The following PCGF5 variants were observed in gnomAD, a reference collection of about 807,000 sequenced individuals.
PCGF5 encodes the protein polycomb group RING finger protein 5.
PCGF5 carries 9 observed loss-of-function variants against 44.3 expected under a neutral mutation model. That is an observed-to-expected ratio of 0.20 (90% CI 0.12 to 0.35). The LOEUF (loss-of-function observed/expected upper bound fraction) is 0.35. Ranked by LOEUF, PCGF5 falls within the 10% of genes least tolerant of loss-of-function variation. PCGF5 has a pLI of 1.00. For missense variants in PCGF5, 146 were observed against 305.3 expected (o/e 0.48, Z 3.89); for synonymous variants, 95 against 102.5 (o/e 0.93, Z 0.44).
chr10:91,173,615 G>C lies in PCGF5; in HGVS notation c.-184+10534G>C, dbSNP rs74149067. ...TTTTTTCCCACAGAAGCCATGAGTA[G>C]TAGCAGGAGGCAATTATAAGTTTTG... is the stretch of plus-strand genomic sequence containing the variant. On this transcript the variant is annotated intron_variant, in intron 1 of 9. Transcript: ENST00000614189. 5.2e-3 allele frequency among the ~76,000 whole-genome samples: 674 copies of C among 130,264 alleles called. 7 individuals are homozygous for C. The highest frequency in any genetic ancestry group is 0.019 in the African/African-American group (642 of 34,614). The allele number at this position is 130,264 out of a possible 152,430, so 85.5% of individuals were successfully genotyped here.
intron 1 of PCGF5, among the ~76,000 whole-genome samples, chr10:91,194,567 A>G (rs1220145486): frequency 6.6e-6 from 1 of 152,212 alleles, no homozygotes; most frequent in African/African-American, 2.4e-5. Context: ...AAGATAATAC[A>G]TTTGTGTTGT....
chr10:91,159,053 AT>A (rs1843350038), upstream of PCGF5, among the ~76,000 whole-genome samples: 3 of 152,240 alleles, frequency 2.0e-5, no homozygotes, highest in African/African-American at 7.2e-5. Context: ...ATGTAGAGAA[AT>A]TGGAGCTAGA....
chr10:91,238,809 C>G (rs565083178), intron 2 of PCGF5, among the ~76,000 whole-genome samples: 35 of 151,898 alleles, frequency 2.3e-4, no homozygotes, highest in African/African-American at 8.2e-4. Context: ...CTTTTGGGGA[C>G]AAGAAATTTG....
chr10:91,180,434 A>AATG (rs1159613874), intron 1 of PCGF5, among the ~76,000 whole-genome samples: 4 of 152,154 alleles, frequency 2.6e-5, no homozygotes, highest in Non-Finnish European at 5.9e-5. Context: ...CTATGCCCTG[A>AATG]ATGATAGGTT....
intron 9 of PCGF5, among the ~76,000 whole-genome samples, chr10:91,275,376 T>C (rs1164743722): frequency 6.6e-6 from 1 of 152,078 alleles, no homozygotes; most frequent in African/African-American, 2.4e-5. Context: ...GTACTCATTA[T>C]TGATGAGGCT....
chr10:91,167,883 A>G lies in PCGF5; in HGVS notation c.-184+4802A>G, dbSNP rs1843527313. Among the ~76,000 whole-genome samples the G allele has an allele frequency of 1.3e-5, 2 of 152,212 alleles. 1 individual carries two copies. Among genetic ancestry groups the G allele is most frequent in the South Asian group, 4.1e-4 (2 of 4,836 alleles). On this transcript the variant is annotated intron_variant, in intron 1 of 9. Transcript: ENST00000614189. ...GGTGGAGGCAGATGAGTTGGGCAAG[A>G]TACTATAGAAGTGAATAAAACAGAA...
In PCGF5 at chr10:91,278,855, G is replaced by T. The variant is rs1194380311; in HGVS notation, c.*539G>T. ...TGAAAAAAAGTTCATTCTTGAGTGTGCAAGTCCTTTTGCCAAGAATTCCAA... is the reference window on the plus strand; with the variant it reads ...TGAAAAAAAGTTCATTCTTGAGTGTTCAAGTCCTTTTGCCAAGAATTCCAA... On this transcript the variant is annotated 3_prime_UTR_variant, in exon 10 of 10. Transcript: ENST00000336126. 1 of 153,368 alleles carries T rather than the reference G, an allele frequency of 6.5e-6. No homozygotes were observed. Among genetic ancestry groups the T allele is most frequent in the Non-Finnish European group, 1.5e-5 (1 of 68,538 alleles). The allele number at this position is 153,368 out of a possible 1,614,324, so 9.5% of individuals were successfully genotyped here. A position where few individuals can be genotyped will look rare whatever the true frequency, so the allele number is the denominator to read the frequency against.
In PCGF5 at chr10:91,278,422, T is replaced by C; in HGVS notation, c.*106T>C. The stretch of plus-strand genomic sequence containing the variant: ...GGACTAGAGGAACACAACCAGATTT[T>C]CAGCATGCAAATAAGGCCATTGTCT... On this transcript the variant is annotated 3_prime_UTR_variant, in exon 10 of 10. Transcript: ENST00000336126. 9.9e-7 allele frequency: 1 copy of C among 1,009,920 alleles called. No homozygotes were observed. The allele number at this position is 1,009,920 out of a possible 1,614,324, so 62.6% of individuals were successfully genotyped here.
chr10:91,235,698 G>A (rs901157251), intron 2 of PCGF5, among the ~76,000 whole-genome samples: 1 of 152,156 alleles, frequency 6.6e-6, no homozygotes, highest in Non-Finnish European at 1.5e-5. Flanking sequence ...TTCTCACGCT[G>A]TTTTCTCAAT....
intron 1 of PCGF5, among the ~76,000 whole-genome samples, chr10:91,176,072 T>G (rs1320125141): frequency 1.3e-5 from 2 of 152,238 alleles, no homozygotes; most frequent in African/African-American, 4.8e-5. Context: ...CCATGTTTAG[T>G]GCTTCCTTCA....
intron 1 of PCGF5, among the ~76,000 whole-genome samples, chr10:91,194,136 G>A (rs1161728782): frequency 1.3e-5 from 2 of 152,154 alleles, no homozygotes; most frequent in East Asian, 1.9e-4. Context: ...GATGCAGAGT[G>A]TGGTAGGCAG....
intron 1 of PCGF5, among the ~76,000 whole-genome samples, chr10:91,186,542 GTA>G (rs59771061): frequency 0.64 from 94,449 of 147,484 alleles, 29,981 homozygotes; most frequent in Middle Eastern, 0.69. Context: ...GTGTGTGTGT[GTA>G]TATATATATA....
chr10:91,193,009 G>A (rs1238137132), intron 1 of PCGF5, among the ~76,000 whole-genome samples: 1 of 152,176 alleles, frequency 6.6e-6, no homozygotes, highest in African/African-American at 2.4e-5. Flanking sequence ...ATAAGCCCTT[G>A]AAAGTCAAGA....
intron 7 of PCGF5, among the ~76,000 whole-genome samples, chr10:91,263,315 T>TAAAG (rs35684938): frequency 0.13 from 19,768 of 152,074 alleles, 2,394 homozygotes; most frequent in African/African-American, 0.32. Flanking sequence ...ACAAAAAAGA[T>TAAAG]AAAAATGAAA....
At chr10:91,238,822 A>T (rs962403610) in intron 2 of PCGF5, among the ~76,000 whole-genome samples, 10 of 151,950 alleles carry the variant, frequency 6.6e-5, no homozygotes, top group African/African-American at 2.2e-4. Flanking sequence ...GAAATTTGGG[A>T]AGAAGGCAAA....
At chr10:91,245,961 A>G (rs1845451935) in intron 3 of PCGF5, among the ~76,000 whole-genome samples, 1 of 152,080 alleles carries the variant, frequency 6.6e-6, no homozygotes, top group Admixed American at 6.6e-5. Context: ...TTGAAGGAGT[A>G]TGGTTGTGTT....
At chr10:91,237,511 A>G (rs7070119) in intron 2 of PCGF5, among the ~76,000 whole-genome samples, 19,693 of 152,038 alleles carry the variant, frequency 0.13, 2,361 homozygotes, top group African/African-American at 0.32. Flanking sequence ...GGGAGGCCGA[A>G]GTGGGCAGAT....
At position 91,208,149 on chromosome 10, in the gene PCGF5, A is replaced by G. The variant is rs182845094; in HGVS notation, c.-183-14540A>G. Among the ~76,000 whole-genome samples, 653 of 152,324 alleles carry G rather than the reference A, an allele frequency of 4.3e-3. 8 individuals carry two copies. Among genetic ancestry groups the G allele is most frequent in the Non-Finnish European group, 3.7e-3 (254 of 68,022 alleles). On this transcript the variant is annotated intron_variant, in intron 1 of 9. Transcript: ENST00000614189. Reference sequence around the variant, plus strand: ...TCAATTAATAACATGGTTATAAAATAGTGATTTTATAATTCTTTCATTCCT... The same window carrying G: ...TCAATTAATAACATGGTTATAAAATGGTGATTTTATAATTCTTTCATTCCT...
In PCGF5 at chr10:91,279,628, A is replaced by C. The variant is rs769139560; in HGVS notation, c.*1312A>C. The C allele has an allele frequency of 9.2e-5, 14 of 152,146 alleles. No homozygotes were observed. The highest frequency in any genetic ancestry group is 1.8e-4 in the Non-Finnish European group (12 of 67,960). 9.4% of individuals were successfully genotyped at this position (152,146 alleles called of 1,614,324 possible). ...TGAAAACTGTCATTTTAAATCTTTT[A>C]ATATTTACAGTTTTCAAAAACCTTA... On this transcript the variant is annotated 3_prime_UTR_variant, in exon 10 of 10. Coordinates refer to ENST00000336126, the MANE Select transcript of PCGF5 (RefSeq NM_032373.5).
Sources: allele counts gnomAD v4.1 joint callset (sites outside exome capture counted in the v4.1 genomes callset), GRCh38; gene constraint gnomAD v4.1.1; transcripts MANE v1.5; gene names NCBI Gene and HGNC (gene_info 2026-07-23, HGNC 2026-07-21).